The following HMGA2 variants were observed in gnomAD, a reference collection of about 807,000 sequenced individuals.
HMGA2 encodes the protein high mobility group AT-hook 2.
A neutral mutation model predicts 19.1 loss-of-function variants in HMGA2; 8 were observed. The ratio of observed to expected loss-of-function variants is 0.42; its 90% CI spans 0.25 to 0.76. The LOEUF (loss-of-function observed/expected upper bound fraction) is 0.76, where lower values mean the gene tolerates loss of function less well. HMGA2 is among the 30% of genes least tolerant of loss of function. The probability of loss-of-function intolerance (pLI) is 0.28; values close to 1 mark genes in which losing one functional copy is unlikely to be tolerated. For synonymous variants in HMGA2, 60 were observed against 48.8 expected (o/e 1.23, Z -0.96); for missense variants, 109 against 136.3 (o/e 0.80, Z 1.00).
At chr12:65,881,018 A>G (rs1873349425) in intron 3 of HMGA2, among the ~76,000 whole-genome samples, 1 of 152,182 alleles carries the variant, frequency 6.6e-6, no homozygotes, top group Non-Finnish European at 1.5e-5. Context: ...GTCAATGCAG[A>G]AATGCCAGTG....
chr12:65,934,050 G>A (rs2121275234), intron 3 of HMGA2, among the ~76,000 whole-genome samples: 1 of 152,282 alleles, frequency 6.6e-6, no homozygotes. Flanking sequence ...AGCAGAAAAA[G>A]TTTACATGTG....
At chr12:65,850,296 T>C (rs1355209090) in intron 3 of HMGA2, among the ~76,000 whole-genome samples, 1 of 152,216 alleles carries the variant, frequency 6.6e-6, no homozygotes, top group Non-Finnish European at 1.5e-5. Context: ...AACAAAGCTG[T>C]TACAGCTATG....
At chr12:65,905,716 T>TA (rs1331195987) in intron 3 of HMGA2, among the ~76,000 whole-genome samples, 2 of 152,202 alleles carry the variant, frequency 1.3e-5, no homozygotes, top group African/African-American at 2.4e-5. Context: ...ATACTTTCCT[T>TA]AAAAACACAT....
chr12:65,899,993 T>G lies in HMGA2; in HGVS notation c.250-51390T>G, dbSNP rs79403555. The stretch of plus-strand genomic sequence containing the variant: ...CAAAAGAGGAGGGAAACCTTTCGTC[T>G]CAATCATCTGAATATTTTGTACTTT... On this transcript the variant is annotated intron_variant, in intron 3 of 4. Coordinates refer to ENST00000403681, the MANE Select transcript of HMGA2 (RefSeq NM_003483.6). Among the ~76,000 whole-genome samples the G allele has an allele frequency of 5.8e-4, 88 of 152,362 alleles. 1 individual carries two copies. The East Asian group carries it at 0.017, about 29-fold the overall frequency.
intron 3 of HMGA2, chr12:65,842,819 C>T (rs1025633148): frequency 5.2e-6 from 7 of 1,357,548 alleles, no homozygotes; most frequent in African/African-American, 4.4e-5. Flanking sequence ...GAAAGGAGCT[C>T]GTCACATACC....
chr12:65,953,803 G>A (rs939269007), intron 4 of HMGA2: 13 of 152,274 alleles, frequency 8.5e-5, no homozygotes, highest in Middle Eastern at 3.4e-3. Flanking sequence ...TGAAAACTAC[G>A]TGAAAGTTCG....
chr12:65,857,941 G>A lies in HMGA2; in HGVS notation c.249+19372G>A, dbSNP rs558976464. On this transcript the variant is annotated intron_variant, in intron 3 of 4. Transcript: ENST00000403681. ...GCCTATTAACTCACATGAATACCAT[G>A]GGCTTGCAAAATGGCCTCAAATTTC... is the stretch of plus-strand genomic sequence containing the variant. The A allele has an allele frequency of 2.0e-5, 3 of 152,774 alleles. No individual in the cohort carries two copies. In the South Asian group the frequency reaches 6.2e-4, roughly 32 times the overall value. The allele number at this position is 152,774 out of a possible 1,614,324, so 9.5% of individuals were successfully genotyped here. A position where few individuals can be genotyped will look rare whatever the true frequency, so the allele number is the denominator to read the frequency against.
chr12:65,879,661 T>C (rs1873257763), intron 3 of HMGA2, among the ~76,000 whole-genome samples: 1 of 152,212 alleles, frequency 6.6e-6, no homozygotes, highest in Admixed American at 6.5e-5. Context: ...ATAATCTAGA[T>C]GCTATACTTC....
chr12:65,872,668 CTT>C (rs1872770497), intron 3 of HMGA2, among the ~76,000 whole-genome samples: 1 of 152,168 alleles, frequency 6.6e-6, no homozygotes, highest in South Asian at 2.1e-4. Context: ...TTGTACAAGT[CTT>C]TATCATCTCT....
rs570801179 is a variant in HMGA2, at chr12:65,884,785, C to T, written c.249+46216C>T. On this transcript the variant is annotated intron_variant, in intron 3 of 4. Transcript: ENST00000403681. ...ATCATTACCTGTATGAACTTGGACG[C>T]GTTTCTTAATCTATCTGGGCCTTAG... Among the ~76,000 whole-genome samples the T allele has an allele frequency of 1.6e-4, 25 of 152,196 alleles. No individual in the cohort carries two copies. The East Asian group carries it at 3.3e-3, about 20-fold the overall frequency.
chr12:65,825,237 G>A lies in HMGA2; in HGVS notation c.-34G>A. 1 of 1,505,318 alleles carries A rather than the reference G, an allele frequency of 6.6e-7. No individual in the cohort carries two copies. The highest frequency in any genetic ancestry group is 8.9e-7 in the Non-Finnish European group (1 of 1,126,102). 93.2% of individuals were successfully genotyped at this position (1,505,318 alleles called of 1,614,324 possible). A position where few individuals can be genotyped will look rare whatever the true frequency, so the allele number is the denominator to read the frequency against. ...AGCTCCGGGGCGGTCGAGGCGAAGC[G>A]GCTGCAGCGGCGGTAGCGGCGGCGG... On this transcript the variant is annotated 5_prime_UTR_variant, in exon 1 of 5. Coordinates refer to ENST00000403681, the MANE Select transcript of HMGA2 (RefSeq NM_003483.6). This position sits in a 1 kb window ranked among gnomAD's most constrained non-coding sequence, Gnocchi z 4.4.
intron 4 of HMGA2, among the ~76,000 whole-genome samples, chr12:65,959,375 A>T (rs1876686597): frequency 6.6e-6 from 1 of 152,230 alleles, no homozygotes; most frequent in Non-Finnish European, 1.5e-5. Context: ...AACAAAAGAA[A>T]AACTAAGGCA....
chr12:65,919,205 T>C (rs1875215376), intron 3 of HMGA2, among the ~76,000 whole-genome samples: 1 of 152,184 alleles, frequency 6.6e-6, no homozygotes, highest in African/African-American at 2.4e-5. Context: ...ATAAAAAATA[T>C]GGACTGGCGC....
At chr12:65,842,233 C>A in intron 3 of HMGA2, 1 of 614,354 alleles carries the variant, frequency 1.6e-6, no homozygotes, top group Non-Finnish European at 2.7e-6. Context: ...CTTTAAAGGT[C>A]CAGTTTCCTC....
At chr12:65,929,993 TG>T (rs1875650427) in intron 3 of HMGA2, among the ~76,000 whole-genome samples, 1 of 151,464 alleles carries the variant, frequency 6.6e-6, no homozygotes, top group African/African-American at 2.4e-5. Context: ...GGGGAAACCA[TG>T]AAAGATAGAA....
At chr12:65,854,605 G>A (rs1411630999) in intron 3 of HMGA2, among the ~76,000 whole-genome samples, 1 of 152,196 alleles carries the variant, frequency 6.6e-6, no homozygotes, top group Non-Finnish European at 1.5e-5. Context: ...GGGTGCATGT[G>A]CAGGATGTGC....
At chr12:65,953,040 G>A (rs1003650202) in intron 4 of HMGA2, 1 of 152,154 alleles carries the variant, frequency 6.6e-6, no homozygotes, top group Admixed American at 6.6e-5. Context: ...CACTATGGTG[G>A]GAGTATTTAC....
intron 3 of HMGA2, chr12:65,873,952 A>G (rs764213041): frequency 2.6e-5 from 4 of 152,260 alleles, no homozygotes; most frequent in Non-Finnish European, 5.9e-5. Context: ...AGTTTGAGGT[A>G]TGCCAATTAA....
At chr12:65,880,425 T>TA (rs1246212340) in intron 3 of HMGA2, among the ~76,000 whole-genome samples, 2 of 152,184 alleles carry the variant, frequency 1.3e-5, no homozygotes, top group East Asian at 3.8e-4. Context: ...AAGATTAAAA[T>TA]AAAAACTGCT....
Sources: gnomAD v4.1 joint callset for allele counts (sites outside exome capture counted in the v4.1 genomes callset) on GRCh38, gnomAD v4.1.1 for gene constraint, Gnocchi (gnomAD v3.1) non-coding constraint, MANE v1.5 for transcripts, NCBI Gene and HGNC (gene_info 2026-07-23, HGNC 2026-07-21) for gene names.